The following WNT3 variants were observed in gnomAD, a reference collection of about 807,000 sequenced individuals.
WNT3 encodes Wnt family member 3, also known as proto-oncogene Wnt-3.
WNT3 carries 7 observed loss-of-function variants against 34.2 expected under a neutral mutation model. The ratio of observed to expected loss-of-function variants is 0.20; its 90% confidence interval spans 0.12 to 0.38. The LOEUF is 0.38. WNT3 is among the 10% of genes least tolerant of loss of function. WNT3 has a pLI of 1.00. For synonymous variants in WNT3, 212 were observed against 211.5 expected (o/e 1.00, Z -0.02); for missense variants, 267 against 499.8 (o/e 0.53, Z 4.44).
Position 46,774,356 on chromosome 17 carries a change from G to A in WNT3, c.81-447C>T, listed in dbSNP as rs566988272. ...TTCCAGTGACTCATGGGACACGCGCGCGCGCGCACACACACACACTACCCT... is the reference window on the plus strand; with the variant it reads ...TTCCAGTGACTCATGGGACACGCGCACGCGCGCACACACACACACTACCCT... On this transcript the variant is annotated intron_variant, in intron 1 of 4. Transcript: ENST00000225512. Among the ~76,000 whole-genome samples, 6 of 152,178 alleles carry A rather than the reference G, an allele frequency of 3.9e-5. No individual in the cohort carries two copies. In the South Asian group the frequency reaches 8.3e-4, roughly 21 times the overall value.
chr17:46,788,190 A>G (rs879447625), intron 1 of WNT3, among the ~76,000 whole-genome samples: 1 of 152,188 alleles, frequency 6.6e-6, no homozygotes, highest in Non-Finnish European at 1.5e-5. Flanking sequence ...GAGCTTGGCC[A>G]TCTGTTTCTT....
intron 1 of WNT3, among the ~76,000 whole-genome samples, chr17:46,782,686 G>A (rs2059472011): frequency 2.0e-5 from 3 of 152,222 alleles, no homozygotes; most frequent in African/African-American, 4.8e-5. Context: ...GGGCTCTGAT[G>A]CACCCAACTA....
intron 1 of WNT3, among the ~76,000 whole-genome samples, chr17:46,782,290 G>A (rs1342844279): frequency 6.6e-6 from 1 of 152,230 alleles, no homozygotes; most frequent in Admixed American, 6.5e-5. Flanking sequence ...TGCTGAGAGG[G>A]AGAGGAGGAG....
chr17:46,801,522 G>A (rs2084124794), intron 1 of WNT3, among the ~76,000 whole-genome samples: 3 of 152,246 alleles, frequency 2.0e-5, no homozygotes, highest in East Asian at 1.9e-4. Context: ...TGGGAGGCTG[G>A]GGCAGGAGAA....
chr17:46,789,351 T>C (rs1009605662), intron 1 of WNT3, among the ~76,000 whole-genome samples: 4 of 152,336 alleles, frequency 2.6e-5, no homozygotes, highest in African/African-American at 9.6e-5. Context: ...GGATGCAGGC[T>C]ATACACTACG....
chr17:46,770,656 A>C (rs2059356792), intron 2 of WNT3, among the ~76,000 whole-genome samples: 1 of 152,042 alleles, frequency 6.6e-6, no homozygotes, highest in Admixed American at 6.6e-5. Flanking sequence ...CCCGTGCCTC[A>C]GTCTCCCCAT....
At chr17:46,794,463 G>A (rs2084026752) in intron 1 of WNT3, among the ~76,000 whole-genome samples, 1 of 152,142 alleles carries the variant, frequency 6.6e-6, no homozygotes, top group Admixed American at 6.5e-5. Context: ...TATTGCACAG[G>A]GCTCAGAGCT....
chr17:46,786,219 A>T (rs376847205), intron 1 of WNT3, among the ~76,000 whole-genome samples: 1 of 152,030 alleles, frequency 6.6e-6, no homozygotes, highest in Non-Finnish European at 1.5e-5. Context: ...TGGAAACAGG[A>T]GGGAAGAGGG....
intron 1 of WNT3, among the ~76,000 whole-genome samples, chr17:46,811,780 C>T (rs909619889): frequency 6.6e-6 from 1 of 152,024 alleles, no homozygotes; most frequent in East Asian, 1.9e-4. Flanking sequence ...CATGGTGAAA[C>T]CCCCATCTCT....
chr17:46,809,807 G>A (rs996822858), intron 1 of WNT3, among the ~76,000 whole-genome samples: 5 of 152,008 alleles, frequency 3.3e-5, no homozygotes, highest in African/African-American at 1.2e-4. Context: ...AGGCCTCTGT[G>A]CCCTCTCCCA....
At chr17:46,793,272 TAAAAAAAAA>T (rs71138551) in intron 1 of WNT3, among the ~76,000 whole-genome samples, 18 of 41,952 alleles carry the variant, frequency 4.3e-4, no homozygotes, top group Non-Finnish European at 6.7e-4. Flanking sequence ...AGACCCTGTC[TAAAAAAAAA>T]AAAAAAAAAA....
Position 46,818,606 on chromosome 17 carries a change from G to T in WNT3, c.-9C>A. 6.3e-7 allele frequency: 1 copy of T among 1,590,016 alleles called. No homozygotes were observed. On this transcript the variant is annotated 5_prime_UTR_variant, in exon 1 of 5. Transcript: ENST00000225512. ...AGCAGGTGGGGCTCCATTAGAAGAG[G>T]CGCCGAGGAGGAAGTTTGCCCGCGA...
chr17:46,770,051 G>A lies in WNT3; in HGVS notation c.323-3C>T. 6.5e-7 allele frequency: 1 copy of A among 1,542,392 alleles called. No homozygotes were observed. Among genetic ancestry groups the A allele is most frequent in the Non-Finnish European group, 8.7e-7 (1 of 1,144,280 alleles). On this transcript the variant is annotated splice_region_variant and splice_polypyrimidine_tract_variant and intron_variant, in intron 2 of 4. Coordinates refer to ENST00000225512, the MANE Select transcript of WNT3 (RefSeq NM_030753.5). ...AACGAAGGCCGACTCGCGGGTGGCT[G>A]CGGGGAGGTCGTGGGGAGGCAGCAC...
chr17:46,785,104 T>C (rs1206283766), intron 1 of WNT3, among the ~76,000 whole-genome samples: 1 of 152,134 alleles, frequency 6.6e-6, no homozygotes, highest in Non-Finnish European at 1.5e-5. Flanking sequence ...TTATGATGCA[T>C]CCTAAGCCTT....
chr17:46,770,169 G>T, intron 2 of WNT3, 121 bp from the exon 3 acceptor site: 1 of 1,336,834 alleles, frequency 7.5e-7, no homozygotes, highest in Non-Finnish European at 9.9e-7. Context: ...GAGCTCACCA[G>T]CCCTGAGGCA....
intron 1 of WNT3, among the ~76,000 whole-genome samples, chr17:46,777,545 C>T (rs2059422297): frequency 6.6e-6 from 1 of 152,384 alleles, no homozygotes; most frequent in South Asian, 2.1e-4. Context: ...GCCCTTCCTG[C>T]TGTGCAGACG....
In WNT3 at chr17:46,814,713, T is replaced by G. The variant is rs530955041; in HGVS notation, c.80+3805A>C. 9.9e-5 allele frequency among the ~76,000 whole-genome samples: 15 copies of G among 152,252 alleles called. No individual in the cohort carries two copies. The East Asian group carries it at 2.1e-3, about 22-fold the overall frequency. On this transcript the variant is annotated intron_variant, in intron 1 of 4. Transcript: ENST00000225512. The stretch of plus-strand genomic sequence containing the variant: ...AGTGTTAACACCTGGCCTGGGGCCT[T>G]CCTCCCCCGCAGTCTCCAGGTGCCT...
chr17:46,804,548 C>A (rs1030447738), intron 1 of WNT3, among the ~76,000 whole-genome samples: 1 of 152,162 alleles, frequency 6.6e-6, no homozygotes. Context: ...CCCCTCTTTC[C>A]CTGATTTAAA....
chr17:46,812,843 G>A lies in WNT3; in HGVS notation c.80+5675C>T, dbSNP rs193268056. 5.3e-5 allele frequency among the ~76,000 whole-genome samples: 8 copies of A among 152,298 alleles called. No individual in the cohort carries two copies. The East Asian group carries it at 1.2e-3, about 22-fold the overall frequency. On this transcript the variant is annotated intron_variant, in intron 1 of 4. Coordinates refer to ENST00000225512, the MANE Select transcript of WNT3 (RefSeq NM_030753.5). Reference sequence around the variant, plus strand: ...ATAGGAGGTGAAAATAGCTAACATCGATATGCTTCCTGTATGCAAGGTATC... The same window carrying A: ...ATAGGAGGTGAAAATAGCTAACATCAATATGCTTCCTGTATGCAAGGTATC...
Sources: allele counts gnomAD v4.1 joint callset (sites outside exome capture counted in the v4.1 genomes callset), GRCh38; gene constraint gnomAD v4.1.1; transcripts MANE v1.5; gene names NCBI Gene and HGNC (gene_info 2026-07-23, HGNC 2026-07-21).